Variants in ATP5PF observed in about 807,000 individuals in gnomAD.
ATP5PF encodes ATP synthase peripheral stalk subunit F6, also known as ATP synthase peripheral stalk subunit F6, mitochondrial.
A neutral mutation model predicts 12.0 loss-of-function variants in ATP5PF; 7 were observed. The ratio of observed to expected loss-of-function variants is 0.58; its 90% CI spans 0.33 to 1.10. The LOEUF (loss-of-function observed/expected upper bound fraction) is 1.10, where lower values mean the gene tolerates loss of function less well. Ranked by LOEUF, ATP5PF falls within the 50% of genes least tolerant of loss-of-function variation. ATP5PF has a pLI of 0.03. For missense variants in ATP5PF, 120 were observed against 127.7 expected (o/e 0.94, Z 0.29); for synonymous variants, 41 against 45.4 (o/e 0.90, Z 0.39).
Position 25,733,540 on chromosome 21 carries a change from C to G in ATP5PF, c.-8+1313G>C, listed in dbSNP as rs1214430944. On this transcript the variant is annotated intron_variant, in intron 1 of 3. Transcript: ENST00000284971. The stretch of plus-strand genomic sequence containing the variant: ...AGACTCTGTCTCAAAAAAAAAGTAT[C>G]TGGTCAAAGTTACACAGCAAAATCT... Among the ~76,000 whole-genome samples, 3 of 151,936 alleles carry G rather than the reference C, an allele frequency of 2.0e-5. No homozygotes were observed. The East Asian group carries it at 5.8e-4, about 29-fold the overall frequency.
intron 2 of ATP5PF, among the ~76,000 whole-genome samples, chr21:25,729,354 A>C (rs2034696197): frequency 6.6e-6 from 1 of 152,240 alleles, no homozygotes; most frequent in African/African-American, 2.4e-5. Flanking sequence ...CTATAAATTG[A>C]TGTGGTTTAT....
At chr21:25,735,378 A>AC (rs1304594987), upstream of ATP5PF, 1 of 193,726 alleles carries the variant, frequency 5.2e-6, no homozygotes, top group Non-Finnish European at 1.1e-5. Context: ...GTAGTCCTGG[A>AC]CCCGAAGGTG....
chr21:25,727,890 G>C (rs1601085634), intron 2 of ATP5PF, among the ~76,000 whole-genome samples: 1 of 152,148 alleles, frequency 6.6e-6, no homozygotes, highest in East Asian at 1.9e-4. Flanking sequence ...GTTGTTGTCA[G>C]AGTTTCATTA....
At chr21:25,735,034 G>C, upstream of ATP5PF, 3 of 1,471,898 alleles carry the variant, frequency 2.0e-6, no homozygotes, top group Non-Finnish European at 2.8e-6. Flanking sequence ...GACGGGTCTA[G>C]GTGAGACAGA....
chr21:25,728,991 C>G (rs912378954), intron 2 of ATP5PF, among the ~76,000 whole-genome samples: 4 of 135,434 alleles, frequency 3.0e-5, no homozygotes, highest in African/African-American at 1.4e-4. Context: ...CCTCACTGTT[C>G]CTAAGATTTG....
Position 25,731,911 on chromosome 21 carries a change from C to A in ATP5PF, c.-7-2110G>T, listed in dbSNP as rs2123454110. ...ACCAGCCTGGGAAACATGGAGAGAACCTGTCTCTAAAAAATTAGAGCTTGT... is the reference window on the plus strand; with the variant it reads ...ACCAGCCTGGGAAACATGGAGAGAAACTGTCTCTAAAAAATTAGAGCTTGT... On this transcript the variant is annotated intron_variant, in intron 1 of 3. Transcript: ENST00000284971. Among the ~76,000 whole-genome samples the A allele has an allele frequency of 1.3e-5, 2 of 152,194 alleles. 1 individual carries two copies.
intron 1 of ATP5PF, among the ~76,000 whole-genome samples, chr21:25,730,098 GA>G (rs1271012904): frequency 6.6e-6 from 1 of 152,188 alleles, no homozygotes; most frequent in Non-Finnish European, 1.5e-5. Context: ...TCATGGATCA[GA>G]GAAAACAGTA....
chr21:25,731,801 G>A (rs2034786319), intron 1 of ATP5PF, among the ~76,000 whole-genome samples: 1 of 151,950 alleles, frequency 6.6e-6, no homozygotes. Context: ...TAAGTATTTA[G>A]AGGCCAGGCG....
Position 25,734,884 on chromosome 21 carries a change from C to T in ATP5PF, c.-39G>A, listed in dbSNP as rs982660860. On this transcript the variant is annotated 5_prime_UTR_variant, in exon 1 of 4. Coordinates refer to ENST00000284971, the MANE Select transcript of ATP5PF (RefSeq NM_001003703.2). ...CTCAGTCCCGAGCTGCCAAAGCCTC[C>T]GCCGCCACCACCTCCGCTCTACTTC... is the stretch of plus-strand genomic sequence containing the variant. The T allele has an allele frequency of 2.6e-6, 4 of 1,551,196 alleles. No individual in the cohort carries two copies. Among genetic ancestry groups the T allele is most frequent in the South Asian group, 1.2e-5 (1 of 84,486 alleles).
At chr21:25,725,452 CTTTTT>C in intron 2 of ATP5PF, 102 bp from the exon 3 acceptor site, 2 of 1,221,882 alleles carry the variant, frequency 1.6e-6, no homozygotes, top group Non-Finnish European at 2.2e-6. Context: ...TTTTTTTTTT[CTTTTT>C]TGAGACGGAG....
chr21:25,727,098 A>C (rs1414606350), intron 2 of ATP5PF, among the ~76,000 whole-genome samples: 1 of 152,252 alleles, frequency 6.6e-6, no homozygotes, highest in Non-Finnish European at 1.5e-5. Context: ...ATGAATGAGA[A>C]AATGAGAAAC....
At chr21:25,733,019 C>G (rs2034840377) in intron 1 of ATP5PF, among the ~76,000 whole-genome samples, 1 of 138,550 alleles carries the variant, frequency 7.2e-6, no homozygotes, top group African/African-American at 2.8e-5. Context: ...AAAAGAAATC[C>G]TACTATCAAT....
chr21:25,733,555 C>A (rs1199722857), intron 1 of ATP5PF, among the ~76,000 whole-genome samples: 3 of 151,834 alleles, frequency 2.0e-5, no homozygotes, highest in Non-Finnish European at 2.9e-5. Flanking sequence ...CAAAGTTACA[C>A]AGCAAAATCT....
upstream of ATP5PF, chr21:25,735,009 GAC>G: frequency 6.5e-7 from 1 of 1,534,392 alleles, no homozygotes; most frequent in Non-Finnish European, 8.8e-7. Flanking sequence ...GCGTCTCGGA[GAC>G]AGTCTGCGAC....
chr21:25,734,834 T>C lies in ATP5PF; in HGVS notation c.-8+19A>G, dbSNP rs903183741. 4 of 1,532,564 alleles carry C rather than the reference T, an allele frequency of 2.6e-6. No individual in the cohort carries two copies. The highest frequency in any genetic ancestry group is 3.5e-6 in the Non-Finnish European group (4 of 1,142,504). The allele number at this position is 1,532,564 out of a possible 1,614,324, so 94.9% of individuals were successfully genotyped here. A position where few individuals can be genotyped will look rare whatever the true frequency, so the allele number is the denominator to read the frequency against. On this transcript the variant is annotated intron_variant, in intron 1 of 3. Transcript: ENST00000284971. ...GGAGTCCCAAAAGGCCACGCTGATCTAGCTACCCTCCCAGTCACCTTGCAC... is the reference window on the plus strand; with the variant it reads ...GGAGTCCCAAAAGGCCACGCTGATCCAGCTACCCTCCCAGTCACCTTGCAC...
At chr21:25,731,716 TCTA>T (rs1405767770) in intron 1 of ATP5PF, among the ~76,000 whole-genome samples, 1 of 152,212 alleles carries the variant, frequency 6.6e-6, no homozygotes, top group Non-Finnish European at 1.5e-5. Flanking sequence ...ACACCGGACT[TCTA>T]CTAAGTTATA....
intron 1 of ATP5PF, among the ~76,000 whole-genome samples, chr21:25,733,072 CTGTT>C (rs1244282569): frequency 1.2e-4 from 17 of 141,580 alleles, no homozygotes; most frequent in Admixed American, 2.8e-4. Flanking sequence ...TGAAAGCAAA[CTGTT>C]TGAAGAAATT....
In ATP5PF at chr21:25,733,564, C is replaced by T. The variant is rs560550799; in HGVS notation, c.-8+1289G>A. On this transcript the variant is annotated intron_variant, in intron 1 of 3. Coordinates refer to ENST00000284971, the MANE Select transcript of ATP5PF (RefSeq NM_001003703.2). ...TCTGGTCAAAGTTACACAGCAAAAT[C>T]TAACTTAACACATATATGCAAAAAA... Among the ~76,000 whole-genome samples the T allele has an allele frequency of 5.3e-5, 8 of 151,868 alleles. No individual in the cohort carries two copies. In the South Asian group the frequency reaches 1.7e-3, roughly 31 times the overall value.
chr21:25,729,382 T>G (rs1413162415), intron 2 of ATP5PF, among the ~76,000 whole-genome samples: 9 of 152,200 alleles, frequency 5.9e-5, no homozygotes, highest in Non-Finnish European at 1.3e-4. Context: ...GACATGACAG[T>G]AAGAATGTAT....
Sources: allele counts gnomAD v4.1 joint callset (sites outside exome capture counted in the v4.1 genomes callset), GRCh38; gene constraint gnomAD v4.1.1; transcripts MANE v1.5; gene names NCBI Gene and HGNC (gene_info 2026-07-23, HGNC 2026-07-21).